RRAS2: variants seen among roughly 807,000 people sequenced by gnomAD.
RRAS2 encodes the protein ras-related protein R-Ras2.
In RRAS2, 7 loss-of-function variants were observed where a neutral mutation model predicts 27.6. The ratio of observed to expected loss-of-function variants is 0.25; its 90% CI spans 0.14 to 0.48. The LOEUF (loss-of-function observed/expected upper bound fraction) is 0.48. Among genes scored for constraint, RRAS2 ranks in the 20% least tolerant of loss-of-function variants. The pLI, the probability that RRAS2 is intolerant of heterozygous loss-of-function variation, is 0.99. For synonymous variants in RRAS2, 86 were observed against 90.9 expected, an observed-to-expected ratio of 0.95 and a Z score of 0.31; for missense variants, 178 against 256.2, an observed-to-expected ratio of 0.69 and a Z score of 2.08.
chr11:14,294,655 T>C (rs544961094), intron 3 of RRAS2, 76 bp from the exon 4 acceptor site: 409 of 1,449,654 alleles, frequency 2.8e-4, no homozygotes, highest in South Asian at 2.5e-3. Flanking sequence ...ATGCCCCAAT[T>C]AGTACTTTAT....
At chr11:14,341,687 C>T (rs782187528) in intron 1 of RRAS2, 48 of 320,416 alleles carry the variant, frequency 1.5e-4, no homozygotes, top group Non-Finnish European at 2.6e-4. Flanking sequence ...ACCTTTAACA[C>T]CAAATTAACA....
At position 14,358,581 on chromosome 11, in the gene RRAS2, G is replaced by A; in HGVS notation, c.108+182C>T. On this transcript the variant is annotated intron_variant, in intron 1 of 5. Transcript: ENST00000256196. This position sits in a 1 kb window ranked among gnomAD's most constrained non-coding sequence, Gnocchi z 5.1. ...GCGACGCCGCGCCCGGGAGGAGGCA[G>A]GAGCGCGACGCTGCGGCCGCAGGGC... 1.0e-6 allele frequency: 1 copy of A among 986,116 alleles called. No homozygotes were observed. The highest frequency in any genetic ancestry group is 4.7e-5 in the South Asian group (1 of 21,310). 61.1% of individuals were successfully genotyped at this position (986,116 alleles called of 1,614,324 possible).
At chr11:14,329,011 GTATATATA>G (rs199601519) in intron 1 of RRAS2, among the ~76,000 whole-genome samples, 8 of 137,812 alleles carry the variant, frequency 5.8e-5, no homozygotes, top group Admixed American at 4.3e-4. Context: ...GTGTGTGTGT[GTATATATA>G]TATATATATA....
intron 1 of RRAS2, chr11:14,356,801 CT>C (rs34757328): frequency 0.21 from 77,456 of 362,916 alleles, 878 homozygotes; most frequent in South Asian, 0.23. Context: ...GCAATTAATG[CT>C]TTTTTTTTTT....
intron 1 of RRAS2, among the ~76,000 whole-genome samples, chr11:14,309,379 T>A (rs1197436068): frequency 6.6e-6 from 1 of 152,244 alleles, no homozygotes; most frequent in Non-Finnish European, 1.5e-5. Flanking sequence ...ACCTATAATG[T>A]GCCAAGCATT....
chr11:14,288,630 G>A (rs1371901328), intron 4 of RRAS2, among the ~76,000 whole-genome samples: 2 of 152,148 alleles, frequency 1.3e-5, no homozygotes, highest in African/African-American at 4.8e-5. Context: ...GTAGATTTTA[G>A]CACTTCCCAG....
Position 14,281,722 on chromosome 11 carries a change from T to C in RRAS2, c.409-2A>G. On this transcript the variant is annotated splice_acceptor_variant, in intron 4 of 5. Coordinates refer to ENST00000256196, the MANE Select transcript of RRAS2 (RefSeq NM_012250.6). LOFTEE classifies it high-confidence loss of function. ...CTGTTGTCCTTCTTCCTGTGTTACCTGAAATTCCAACAGTTATGTTTATGG... is the reference window on the plus strand; with the variant it reads ...CTGTTGTCCTTCTTCCTGTGTTACCCGAAATTCCAACAGTTATGTTTATGG... 1.3e-6 allele frequency: 2 copies of C among 1,593,460 alleles called. No individual in the cohort carries two copies. Among genetic ancestry groups the C allele is most frequent in the Admixed American group, 3.5e-5 (2 of 56,578 alleles).
chr11:14,306,929 G>A (rs144701916), intron 1 of RRAS2, among the ~76,000 whole-genome samples: 10 of 150,222 alleles, frequency 6.7e-5, no homozygotes, highest in Non-Finnish European at 1.5e-4. Flanking sequence ...AGTGGCTCAC[G>A]CTTATAATCC....
intron 1 of RRAS2, among the ~76,000 whole-genome samples, chr11:14,327,835 A>G (rs1554951243): frequency 6.6e-6 from 1 of 152,250 alleles, no homozygotes; most frequent in Non-Finnish European, 1.5e-5. Flanking sequence ...CAAGGATGAA[A>G]AGGTTTTATT....
chr11:14,320,466 C>T (rs1554950136), intron 1 of RRAS2, among the ~76,000 whole-genome samples: 1 of 152,160 alleles, frequency 6.6e-6, no homozygotes, highest in Non-Finnish European at 1.5e-5. Context: ...TTAATTTAAG[C>T]AGCTCTCATT....
At chr11:14,344,136 CAAAAT>C (rs532133703) in intron 1 of RRAS2, among the ~76,000 whole-genome samples, 110 of 151,950 alleles carry the variant, frequency 7.2e-4, no homozygotes, top group Middle Eastern at 3.4e-3. Flanking sequence ...CTGTCTCAAA[CAAAAT>C]AATTTAAAAA....
chr11:14,308,340 C>A (rs929384225), intron 1 of RRAS2: 1 of 429,610 alleles, frequency 2.3e-6, no homozygotes, highest in Non-Finnish European at 4.6e-6. Flanking sequence ...AACATAAACT[C>A]TTTAGTAATA....
chr11:14,361,661 C>CA (rs1177334101), upstream of RRAS2, among the ~76,000 whole-genome samples: 10 of 152,188 alleles, frequency 6.6e-5, no homozygotes, highest in African/African-American at 2.4e-4. Context: ...TAAATGATGC[C>CA]ACTGCTTTGG....
intron 1 of RRAS2, among the ~76,000 whole-genome samples, chr11:14,316,477 T>A (rs868948864): frequency 2.0e-5 from 3 of 152,210 alleles, no homozygotes; most frequent in Non-Finnish European, 4.4e-5. Flanking sequence ...CAGCAATCCA[T>A]GCCTATAATC....
chr11:14,322,116 T>C (rs999716683), intron 1 of RRAS2, among the ~76,000 whole-genome samples: 2 of 151,894 alleles, frequency 1.3e-5, no homozygotes, highest in Admixed American at 6.6e-5. Context: ...CCCAACAAAA[T>C]AGGTGATAAC....
intron 1 of RRAS2, among the ~76,000 whole-genome samples, chr11:14,319,399 C>G (rs1225114618): frequency 8.0e-6 from 1 of 124,890 alleles, no homozygotes; most frequent in East Asian, 2.8e-4. Flanking sequence ...TCGCCCAGGC[C>G]GGACTGCGGA....
intron 1 of RRAS2, among the ~76,000 whole-genome samples, chr11:14,300,105 A>G (rs1217616115): frequency 6.6e-6 from 1 of 152,194 alleles, no homozygotes; most frequent in Non-Finnish European, 1.5e-5. Context: ...AGGATAGGGA[A>G]GAAGGGTGGA....
chr11:14,358,397 T>TCCAGCC lies in RRAS2; in HGVS notation c.108+360_108+365dup, dbSNP rs1591495445. ...GAAAAGCAGCGCGCGGGGCTCCAGC[T>TCCAGCC]CCAGCCCCACGCCCGGACCCTCGGA... On this transcript the variant is annotated intron_variant, in intron 1 of 5. Coordinates refer to ENST00000256196, the MANE Select transcript of RRAS2 (RefSeq NM_012250.6). The surrounding 1 kb of genome is among the most constrained non-coding windows in gnomAD (Gnocchi z 5.1). 2 of 984,784 alleles carry TCCAGCC rather than the reference T, an allele frequency of 2.0e-6. No individual in the cohort carries two copies. The highest frequency in any genetic ancestry group is 4.7e-5 in the South Asian group (1 of 21,230). The allele number at this position is 984,784 out of a possible 1,614,324, so 61.0% of individuals were successfully genotyped here.
chr11:14,341,924 T>C, intron 1 of RRAS2: 1 of 447,018 alleles, frequency 2.2e-6, no homozygotes, highest in Non-Finnish European at 4.4e-6. Flanking sequence ...TATCCTGAAT[T>C]TGGTATCTGT....
Sources: allele counts gnomAD v4.1 joint callset (sites outside exome capture counted in the v4.1 genomes callset), GRCh38; gene constraint gnomAD v4.1.1; non-coding constraint Gnocchi (gnomAD v3.1); transcripts MANE v1.5; gene names NCBI Gene and HGNC (gene_info 2026-07-23, HGNC 2026-07-21).